FSTL5: variants seen among roughly 807,000 people sequenced by gnomAD.
FSTL5 encodes the protein follistatin-related protein 5.
A neutral mutation model predicts 89.1 loss-of-function variants in FSTL5; 62 were observed. That is an observed-to-expected ratio of 0.70 (90% CI 0.57 to 0.86). FSTL5 has a LOEUF of 0.86. Among genes scored for constraint, FSTL5 ranks in the 40% least tolerant of loss-of-function variants. The pLI is 0.00. For missense variants in FSTL5, 1,057 were observed against 1,001.6 expected, an observed-to-expected ratio of 1.06 and a Z score of -0.75; for synonymous variants, 383 against 346.2, an observed-to-expected ratio of 1.11 and a Z score of -1.18.
intron 4 of FSTL5, among the ~76,000 whole-genome samples, chr4:161,780,586 G>GTGC (rs1433277176): frequency 6.6e-6 from 1 of 152,196 alleles, no homozygotes; most frequent in African/African-American, 2.4e-5. Context: ...CACTAGGGCT[G>GTGC]TGCTGACCTT....
At chr4:162,126,478 C>T (rs1732085065) in intron 1 of FSTL5, among the ~76,000 whole-genome samples, 1 of 151,866 alleles carries the variant, frequency 6.6e-6, no homozygotes, top group Admixed American at 6.6e-5. Context: ...TTTTTAACAC[C>T]CTTTTTATTA....
rs188017875 is a variant in FSTL5, at chr4:161,500,000, C to T, written c.1458+16G>A. 1.7e-5 allele frequency: 26 copies of T among 1,495,816 alleles called. 1 individual carries two copies. In the African/African-American group the frequency reaches 2.5e-4, roughly 14 times the overall value. 92.7% of individuals were successfully genotyped at this position (1,495,816 alleles called of 1,614,324 possible). A position where few individuals can be genotyped will look rare whatever the true frequency, so the allele number is the denominator to read the frequency against. On this transcript the variant is annotated intron_variant, in intron 12 of 15. Coordinates refer to ENST00000306100, the MANE Select transcript of FSTL5 (RefSeq NM_020116.5). ...ATTTCTGCATAAAACGTCAAAGGAACTTTTTAGATACTTGCCTGAAATCCA... is the reference window on the plus strand; with the variant it reads ...ATTTCTGCATAAAACGTCAAAGGAATTTTTTAGATACTTGCCTGAAATCCA...
intron 2 of FSTL5, among the ~76,000 whole-genome samples, chr4:162,081,929 T>G (rs1409690398): frequency 6.6e-6 from 1 of 151,524 alleles, no homozygotes; most frequent in Non-Finnish European, 1.5e-5. Flanking sequence ...ATAAAACATC[T>G]TAAACAAGTG....
rs550627823 is a variant in FSTL5, at chr4:161,510,433, T to A, written c.1313-9A>T. 1 of 1,516,630 alleles carries A rather than the reference T, an allele frequency of 6.6e-7. No individual in the cohort carries two copies. The highest frequency in any genetic ancestry group is 2.4e-5 in the East Asian group (1 of 42,504). The allele number at this position is 1,516,630 out of a possible 1,614,324, so 93.9% of individuals were successfully genotyped here. ...CCATAATATGTTAGCTACTGCAGCATGTTGAAAGAAAAAGAAGAAAAAGAA... is the reference window on the plus strand; with the variant it reads ...CCATAATATGTTAGCTACTGCAGCAAGTTGAAAGAAAAAGAAGAAAAAGAA... On this transcript the variant is annotated splice_polypyrimidine_tract_variant and intron_variant, in intron 10 of 15. Coordinates refer to ENST00000306100, the MANE Select transcript of FSTL5 (RefSeq NM_020116.5).
chr4:161,533,019 C>A (rs1302295433), intron 10 of FSTL5, among the ~76,000 whole-genome samples: 4 of 151,644 alleles, frequency 2.6e-5, no homozygotes, highest in African/African-American at 7.3e-5. Context: ...AAAAAAAAAT[C>A]TTTGAAATTA....
intron 6 of FSTL5, among the ~76,000 whole-genome samples, chr4:161,733,401 G>T (rs1739682762): frequency 6.6e-6 from 1 of 151,692 alleles, no homozygotes; most frequent in African/African-American, 2.4e-5. Context: ...CTTTTCTTTT[G>T]TAGATTTGTT....
At position 161,675,781 on chromosome 4, in the gene FSTL5, G is replaced by A. The variant is rs544407030; in HGVS notation, c.728-19287C>T. ...GAACCATAATATAATTTATGCTAAT[G>A]AGACGCTATCTGATAGAAATTTTCT... On this transcript the variant is annotated intron_variant, in intron 6 of 15. Transcript: ENST00000306100. 3.6e-4 allele frequency among the ~76,000 whole-genome samples: 54 copies of A among 151,934 alleles called. 2 individuals are homozygous for A. The highest frequency in any genetic ancestry group is 5.9e-5 in the Non-Finnish European group (4 of 67,912).
At chr4:161,824,816 A>G (rs1730614703) in intron 4 of FSTL5, among the ~76,000 whole-genome samples, 1 of 152,162 alleles carries the variant, frequency 6.6e-6, no homozygotes, top group South Asian at 2.1e-4. Context: ...GAATTCATTT[A>G]TCAGTCCTAG....
intron 4 of FSTL5, among the ~76,000 whole-genome samples, chr4:161,799,073 G>T (rs1695617123): frequency 6.6e-6 from 1 of 151,764 alleles, no homozygotes; most frequent in African/African-American, 2.4e-5. Context: ...AAGGTGCCTA[G>T]ATTTAGAAAC....
intron 3 of FSTL5, among the ~76,000 whole-genome samples, chr4:161,984,528 G>C (rs1735909687): frequency 1.3e-5 from 2 of 152,032 alleles, no homozygotes; most frequent in Non-Finnish European, 2.9e-5. Context: ...TTAAGATCAG[G>C]TTTCTATAAT....
At chr4:161,992,297 T>C (rs1015360860) in intron 3 of FSTL5, among the ~76,000 whole-genome samples, 1 of 152,098 alleles carries the variant, frequency 6.6e-6, no homozygotes, top group Admixed American at 6.6e-5. Flanking sequence ...GATATTCTTC[T>C]AGGCAGAGGT....
At chr4:161,705,952 GTATATATATATATATATATATATATA>G (rs1206067350) in intron 6 of FSTL5, among the ~76,000 whole-genome samples, 3 of 30,662 alleles carry the variant, frequency 9.8e-5, no homozygotes, top group Admixed American at 3.6e-4. Flanking sequence ...GTAGATGTGT[GTATATATATATATATATATATATATA>G]TATATATATA....
At chr4:161,687,780 C>T (rs2126716018) in intron 6 of FSTL5, among the ~76,000 whole-genome samples, 1 of 152,272 alleles carries the variant, frequency 6.6e-6, no homozygotes, top group Middle Eastern at 3.4e-3. Context: ...AGAATATCAA[C>T]AGAGGGAAAA....
intron 7 of FSTL5, among the ~76,000 whole-genome samples, chr4:161,609,722 C>A (rs567240792): frequency 6.6e-6 from 1 of 151,964 alleles, no homozygotes; most frequent in Admixed American, 6.6e-5. Flanking sequence ...GTATAGCAAG[C>A]AGCATGAGCT....
chr4:161,789,724 T>C (rs1359043336), intron 4 of FSTL5, among the ~76,000 whole-genome samples: 1 of 152,164 alleles, frequency 6.6e-6, no homozygotes, highest in East Asian at 1.9e-4. Context: ...TTTACCACTC[T>C]AAATACATCA....
chr4:161,705,979 T>C (rs1738562622), intron 6 of FSTL5, among the ~76,000 whole-genome samples: 2 of 91,666 alleles, frequency 2.2e-5, no homozygotes, highest in South Asian at 1.2e-3. Context: ...TATATATATA[T>C]ATATATATAT....
intron 15 of FSTL5, among the ~76,000 whole-genome samples, chr4:161,439,635 A>G (rs1474837408): frequency 6.6e-6 from 1 of 152,162 alleles, no homozygotes; most frequent in East Asian, 1.9e-4. Context: ...AAAGTATCTG[A>G]CCATTGATAG....
chr4:161,635,628 A>T (rs1360951297), intron 7 of FSTL5, among the ~76,000 whole-genome samples: 1 of 152,216 alleles, frequency 6.6e-6, no homozygotes, highest in East Asian at 1.9e-4. Flanking sequence ...ATTCAAGTTA[A>T]CTCATTAGAA....
At chr4:161,874,620 T>C (rs540522488) in intron 4 of FSTL5, among the ~76,000 whole-genome samples, 6 of 152,018 alleles carry the variant, frequency 3.9e-5, no homozygotes, top group Admixed American at 3.9e-4. Context: ...GAATCTTTGA[T>C]GATTTCCATC....
Sources: allele counts gnomAD v4.1 joint callset (sites outside exome capture counted in the v4.1 genomes callset), GRCh38; gene constraint gnomAD v4.1.1; transcripts MANE v1.5; gene names NCBI Gene and HGNC (gene_info 2026-07-23, HGNC 2026-07-21).